The following CBR4 variants were observed in gnomAD, a reference collection of about 807,000 sequenced individuals.
The protein encoded by CBR4 is 3-oxoacyl-[acyl-carrier-protein] reductase.
A neutral mutation model predicts 21.0 loss-of-function variants in CBR4; 22 were observed. The observed-to-expected ratio is 1.05, with a 90% CI of 0.75 to 1.50. The LOEUF (loss-of-function observed/expected upper bound fraction) is 1.50. Ranked by LOEUF, CBR4 falls within the 40% of genes most tolerant of loss-of-function variation. CBR4 has a pLI of 0.00. For missense variants in CBR4, 302 were observed against 286.3 expected, an observed-to-expected ratio of 1.05 and a Z score of -0.40; for synonymous variants, 100 against 104.4, an observed-to-expected ratio of 0.96 and a Z score of 0.26.
At position 168,921,574 on chromosome 4, in the gene CBR4, A is replaced by G; in HGVS notation, n.170-26809T>C. ...ACCCCAGATCTAAGCTGGCAACTAG[A>G]TGGAAAGCCCGTACGCCCTGACAGT... On this transcript the variant is annotated intron_variant and non_coding_transcript_variant, in intron 2 of 3. Transcript: ENST00000509108. 6.2e-7 allele frequency: 1 copy of G among 1,609,124 alleles called. No homozygotes were observed. The highest frequency in any genetic ancestry group is 1.7e-5 in the Admixed American group (1 of 59,204).
chr4:168,978,201 A>G (rs1578971028), intron 2 of CBR4, among the ~76,000 whole-genome samples: 1 of 152,302 alleles, frequency 6.6e-6, no homozygotes, highest in Non-Finnish European at 1.5e-5. Context: ...TTTGTCACCA[A>G]AAGATCTTTA....
Position 168,933,148 on chromosome 4 carries a change from T to C in CBR4, n.170-38383A>G, listed in dbSNP as rs557412108. Reference sequence around the variant, plus strand: ...AAAACCATCAATAAAACGACAAGAGTTAAGTCCTCACCTACCAATAAATAA... The same window carrying C: ...AAAACCATCAATAAAACGACAAGAGCTAAGTCCTCACCTACCAATAAATAA... On this transcript the variant is annotated intron_variant and non_coding_transcript_variant, in intron 2 of 3. Transcript: ENST00000509108. Among the ~76,000 whole-genome samples the C allele has an allele frequency of 2.6e-5, 4 of 151,558 alleles. 1 individual carries two copies. The highest frequency in any genetic ancestry group is 9.7e-5 in the African/African-American group (4 of 41,282).
chr4:169,002,765 T>C (rs982184416), intron 3 of CBR4, among the ~76,000 whole-genome samples: 11 of 151,680 alleles, frequency 7.3e-5, no homozygotes, highest in Non-Finnish European at 1.0e-4. Context: ...TTTTAACAAA[T>C]TGAAGGCTTG....
chr4:169,010,065 C>CA lies in CBR4; in HGVS notation c.24dup (p.Gly9TrpfsTer37), dbSNP rs1309677943. 1 of 1,613,190 alleles carries CA rather than the reference C, an allele frequency of 6.2e-7. No homozygotes were observed. Among genetic ancestry groups the CA allele is most frequent in the African/African-American group, 1.3e-5 (1 of 74,692 alleles). On this transcript the variant is annotated frameshift_variant, in exon 1 of 5. Coordinates refer to ENST00000306193, the MANE Select transcript of CBR4 (RefSeq NM_032783.5). LOFTEE classifies it high-confidence loss of function. Reference sequence around the variant, plus strand: ...GCTCTGCCAATGCCTCGGGAGCCTCCAAAAACAGCACACACTTTGTCCATC... The same window carrying CA: ...GCTCTGCCAATGCCTCGGGAGCCTCCAAAAAACAGCACACACTTTGTCCATC...
Position 168,989,550 on chromosome 4 carries a change from T to C in CBR4, c.*600A>G, listed in dbSNP as rs116156207. Reference sequence around the variant, plus strand: ...AGCACATGCAAAAGGAATATAGTTATCTTTAGTGGGCTTGCTAAAGTATTG... The same window carrying C: ...AGCACATGCAAAAGGAATATAGTTACCTTTAGTGGGCTTGCTAAAGTATTG... On this transcript the variant is annotated 3_prime_UTR_variant, in exon 5 of 5. Transcript: ENST00000306193. The C allele has an allele frequency of 4.8e-4, 472 of 985,444 alleles. 3 individuals are homozygous for C. The African/African-American group carries it at 7.5e-3, about 16-fold the overall frequency. 61.0% of individuals were successfully genotyped at this position (985,444 alleles called of 1,614,324 possible).
chr4:168,896,589 A>AC, intron 2 of CBR4: 1 of 1,513,970 alleles, frequency 6.6e-7, no homozygotes, highest in Non-Finnish European at 8.9e-7. Context: ...AGTCCTCTGG[A>AC]TGGTCAAAAG....
chr4:168,978,809 G>A (rs6843588), intron 2 of CBR4, among the ~76,000 whole-genome samples: 76,289 of 152,064 alleles, frequency 0.5, 22,879 homozygotes, highest in East Asian at 0.87. Context: ...AGAAGCAGAC[G>A]AACTACAGGC....
chr4:168,989,763 T>A lies in CBR4; in HGVS notation c.*387A>T. On this transcript the variant is annotated 3_prime_UTR_variant, in exon 5 of 5. Transcript: ENST00000306193. ...CTTGCAAAATGTCTATACACTAAGATTGCTACAGTCTATGAGGTAACCAAA... is the reference window on the plus strand; with the variant it reads ...CTTGCAAAATGTCTATACACTAAGAATGCTACAGTCTATGAGGTAACCAAA... 5.1e-6 allele frequency: 5 copies of A among 989,290 alleles called. No homozygotes were observed. Among genetic ancestry groups the A allele is most frequent in the Non-Finnish European group, 6.0e-6 (5 of 832,552 alleles). The allele number at this position is 989,290 out of a possible 1,614,324, so 61.3% of individuals were successfully genotyped here.
chr4:168,920,450 GT>G (rs1346041533), intron 2 of CBR4, among the ~76,000 whole-genome samples: 1 of 152,154 alleles, frequency 6.6e-6, no homozygotes, highest in Admixed American at 6.5e-5. Context: ...CAAAAGAACT[GT>G]TTTACAGTCT....
chr4:169,001,830 C>CT (rs971824257), intron 4 of CBR4: 54 of 257,550 alleles, frequency 2.1e-4, no homozygotes, highest in East Asian at 4.2e-4. Flanking sequence ...AAATAAGCCT[C>CT]TTTTTTTTAT....
chr4:168,995,544 T>C (rs1406989483), intron 4 of CBR4, among the ~76,000 whole-genome samples: 1 of 152,094 alleles, frequency 6.6e-6, no homozygotes, highest in Non-Finnish European at 1.5e-5. Flanking sequence ...CATCCTTCTT[T>C]CTGCTTGTAT....
At chr4:168,924,351 G>A in intron 2 of CBR4, 1 of 1,613,974 alleles carries the variant, frequency 6.2e-7, no homozygotes, top group African/African-American at 1.3e-5. Flanking sequence ...CGTGTATTGG[G>A]AGTGCCACCA....
intron 2 of CBR4, among the ~76,000 whole-genome samples, chr4:168,900,381 A>T (rs1429542105): frequency 6.6e-6 from 1 of 152,190 alleles, no homozygotes; most frequent in Non-Finnish European, 1.5e-5. Context: ...AAATAACTTT[A>T]AAAAGATTGA....
At chr4:169,000,996 C>G (rs897364114) in intron 4 of CBR4, among the ~76,000 whole-genome samples, 1 of 151,808 alleles carries the variant, frequency 6.6e-6, no homozygotes, top group African/African-American at 2.4e-5. Flanking sequence ...TTTATAGAGA[C>G]AGGGTCTCAA....
chr4:168,914,159 G>A (rs1448428343), intron 2 of CBR4: 1 of 685,280 alleles, frequency 1.5e-6, no homozygotes, highest in Non-Finnish European at 2.6e-6. Context: ...TGAAGCCTGT[G>A]GCTCCTTGAT....
At chr4:168,978,761 C>G (rs567880446) in intron 2 of CBR4, among the ~76,000 whole-genome samples, 49 of 152,262 alleles carry the variant, frequency 3.2e-4, no homozygotes, top group Non-Finnish European at 5.3e-4. Context: ...CAGGTTCTCA[C>G]GCATACCCCC....
downstream of CBR4, among the ~76,000 whole-genome samples, chr4:168,986,265 G>C (rs1277594501): frequency 6.6e-6 from 1 of 152,134 alleles, no homozygotes; most frequent in Admixed American, 6.5e-5. Flanking sequence ...AGGGACTTGA[G>C]CATCCACAGA....
In CBR4 at chr4:168,980,473, C is replaced by G. The variant is rs534934009; in HGVS notation, n.169+21598G>C. Among the ~76,000 whole-genome samples, 19 of 152,032 alleles carry G rather than the reference C, an allele frequency of 1.2e-4. No homozygotes were observed. In the South Asian group the frequency reaches 4.0e-3, roughly 32 times the overall value. On this transcript the variant is annotated intron_variant and non_coding_transcript_variant, in intron 2 of 3. Transcript: ENST00000509108. ...CAAATAGACCAGGTGTGGTGGCTCACGCCTGTAATCCCAGCACTTTGGGAG... is the reference window on the plus strand; with the variant it reads ...CAAATAGACCAGGTGTGGTGGCTCAGGCCTGTAATCCCAGCACTTTGGGAG...
intron 2 of CBR4, chr4:168,896,416 G>T: frequency 1.5e-6 from 1 of 656,464 alleles, no homozygotes; most frequent in Non-Finnish European, 2.8e-6. Context: ...ATGGTTGTGT[G>T]AGTACTCACA....
Sources: allele counts gnomAD v4.1 joint callset (sites outside exome capture counted in the v4.1 genomes callset), GRCh38; gene constraint gnomAD v4.1.1; transcripts MANE v1.5; gene names NCBI Gene and HGNC (gene_info 2026-07-23, HGNC 2026-07-21).